The following LLGL2 variants were observed in gnomAD, a reference collection of about 807,000 sequenced individuals.
LLGL2 encodes LLGL2, scribble cell polarity complex component.
Under a neutral mutation model 123.2 loss-of-function variants are expected in LLGL2, and 81 were observed. That is an observed-to-expected ratio of 0.66 (90% CI 0.55 to 0.79). The LOEUF (loss-of-function observed/expected upper bound fraction) is 0.79. Ranked by LOEUF, LLGL2 falls within the 30% of genes least tolerant of loss-of-function variation. LLGL2 has a pLI of 0.00. For synonymous variants in LLGL2, 577 were observed against 594.1 expected, an observed-to-expected ratio of 0.97 and a Z score of 0.42; for missense variants, 1,273 against 1,414.6, an observed-to-expected ratio of 0.90 and a Z score of 1.61.
chr17:75,562,918 C>A, intron 6 of LLGL2, 98 bp from the exon 7 acceptor site: 2 of 1,424,102 alleles, frequency 1.4e-6, no homozygotes, highest in South Asian at 1.2e-5. Context: ...GCACATGGAG[C>A]AGCCACCTCT....
chr17:75,556,991 T>C (rs1285491459), intron 3 of LLGL2, among the ~76,000 whole-genome samples: 4 of 150,056 alleles, frequency 2.7e-5, no homozygotes, highest in South Asian at 2.1e-4. Flanking sequence ...ATTGTGCCAC[T>C]GCACTCCAGC....
rs1454941836 is a variant in LLGL2 at position 75,532,053 on chromosome 17, TATACAC to T, written c.-31+6230_-31+6235del. ...CTGTAATAAATTATATATATGTATA[TATACAC>T]ACACACACACACACACACTTTTTTT... On this transcript the variant is annotated intron_variant, in intron 1 of 25. Transcript: ENST00000392550. Among the ~76,000 whole-genome samples the T allele has an allele frequency of 5.7e-5, 4 of 70,296 alleles. 1 individual carries two copies. Among genetic ancestry groups the T allele is most frequent in the African/African-American group, 1.6e-4 (4 of 25,164 alleles). 46.1% of individuals were successfully genotyped at this position (70,296 alleles called of 152,430 possible).
chr17:75,571,305 C>G lies in LLGL2; in HGVS notation c.2176+205C>G, dbSNP rs960006984. 5.0e-5 allele frequency: 30 copies of G among 595,430 alleles called. No individual in the cohort carries two copies. The African/African-American group carries it at 5.4e-4, about 11-fold the overall frequency. 36.9% of individuals were successfully genotyped at this position (595,430 alleles called of 1,614,324 possible). On this transcript the variant is annotated intron_variant, in intron 17 of 25. Coordinates refer to ENST00000392550, the MANE Select transcript of LLGL2 (RefSeq NM_001031803.2). ...AGTCAGCTTCCCTTGGCTTTATATC[C>G]AGGCCGTAGCACCCTTTAGAAGCAT...
Position 75,570,486 on chromosome 17 carries a change from C to T in LLGL2, c.2013C>T (p.Gly671=), listed in dbSNP as rs1379004279. 6 of 1,574,022 alleles carry T rather than the reference C, an allele frequency of 3.8e-6. No homozygotes were observed. Among genetic ancestry groups the T allele is most frequent in the South Asian group, 3.5e-5 (3 of 86,220 alleles). The change falls in exon 16 of 26, where the codon GGC becomes GGT. Residue 671 remains glycine (G), a synonymous_variant. Transcript: ENST00000392550. Reference sequence around the variant, plus strand: ...CCAGCCGGAAGCGGCACCCGGCTGGCCCCCCAGGAGAGGTGAGGCCTGAGG... The same window carrying T: ...CCAGCCGGAAGCGGCACCCGGCTGGTCCCCCAGGAGAGGTGAGGCCTGAGG... ...RVSSRKRHPA[G]PPGEAQEGSA... is the part of the protein sequence containing the mutation.
chr17:75,571,643 C>T, intron 17 of LLGL2, 24 bp from the exon 18 acceptor site: 2 of 1,564,762 alleles, frequency 1.3e-6, no homozygotes. Context: ...AAGGGTCAGA[C>T]ACCCAAACAT....
Position 75,574,671 on chromosome 17 carries a change from G to C in LLGL2, c.3055+3G>C, listed in dbSNP as rs780549229. The C allele has an allele frequency of 7.9e-5, 127 of 1,610,352 alleles. No individual in the cohort carries two copies. The highest frequency in any genetic ancestry group is 1.0e-4 in the Admixed American group (6 of 59,640). On this transcript the variant is annotated splice_donor_region_variant and intron_variant, in intron 25 of 25. Coordinates refer to ENST00000392550, the MANE Select transcript of LLGL2 (RefSeq NM_001031803.2). ...GTGCAGCCTCAGCAATGGCGGAGGT[G>C]GGGGCTCTGGGCTTGAGTGCAGCTG...
chr17:75,544,558 C>T lies in LLGL2; in HGVS notation c.75+1057C>T, dbSNP rs1598543256. 6.6e-6 allele frequency among the ~76,000 whole-genome samples: 1 copy of T among 152,220 alleles called. No homozygotes were observed. The highest frequency in any genetic ancestry group is 2.4e-5 in the African/African-American group (1 of 41,438). ...AGAAGCTGGATGGCCGTGTGCCTGT[C>T]GCCCACACCATAGGCTTGTTAAGGG... On this transcript the variant is annotated intron_variant, in intron 2 of 25. Transcript: ENST00000392550. The surrounding 1 kb of genome is among the most constrained non-coding windows in gnomAD (Gnocchi z 4.2).
intron 10 of LLGL2, chr17:75,568,129 A>G: frequency 8.3e-7 from 1 of 1,200,494 alleles, no homozygotes; most frequent in Non-Finnish European, 1.0e-6. Flanking sequence ...TGACAGGTGC[A>G]TCTGAGCAGG....
chr17:75,525,028 G>T (rs1179649770), upstream of LLGL2: 1 of 157,532 alleles, frequency 6.3e-6, no homozygotes, highest in South Asian at 1.9e-4. The surrounding 1 kb of genome is among the most constrained non-coding windows in gnomAD (Gnocchi z 4.8). Context: ...GTGGCGAGAG[G>T]CGCCACCTGC....
chr17:75,530,530 G>C (rs1339744032), intron 1 of LLGL2, among the ~76,000 whole-genome samples: 1 of 151,954 alleles, frequency 6.6e-6, no homozygotes, highest in Non-Finnish European at 1.5e-5. Context: ...GGCACCTGTA[G>C]TCCCAGCTGC....
Position 75,574,682 on chromosome 17 carries a change from G to T in LLGL2, c.3055+14G>T. 1.9e-6 allele frequency: 3 copies of T among 1,609,302 alleles called. No individual in the cohort carries two copies. Among genetic ancestry groups the T allele is most frequent in the Non-Finnish European group, 2.5e-6 (3 of 1,178,914 alleles). ...GCAATGGCGGAGGTGGGGGCTCTGG[G>T]CTTGAGTGCAGCTGCCAACCGTGCT... On this transcript the variant is annotated intron_variant, in intron 25 of 25. Coordinates refer to ENST00000392550, the MANE Select transcript of LLGL2 (RefSeq NM_001031803.2).
At chr17:75,569,855 C>A in intron 14 of LLGL2, 108 bp from the exon 15 acceptor site, 2 of 1,238,844 alleles carry the variant, frequency 1.6e-6, no homozygotes, top group South Asian at 1.5e-5. Flanking sequence ...GGCCTTTGTC[C>A]TTCCTTGAGC....
rs560977991 is a variant in LLGL2 at position 75,544,106 on chromosome 17, G to A, written c.75+605G>A. Among the ~76,000 whole-genome samples the A allele has an allele frequency of 6.6e-6, 1 of 152,306 alleles. No homozygotes were observed. The highest frequency in any genetic ancestry group is 2.1e-4 in the South Asian group (1 of 4,824). ...TATCCGGGGTACCAGAAGGCCCACG[G>A]GGCTTCCCTTCAGGAGTCTGGGGCC... On this transcript the variant is annotated intron_variant, in intron 2 of 25. Coordinates refer to ENST00000392550, the MANE Select transcript of LLGL2 (RefSeq NM_001031803.2). The surrounding 1 kb of genome is among the most constrained non-coding windows in gnomAD (Gnocchi z 4.2).
intron 1 of LLGL2, among the ~76,000 whole-genome samples, chr17:75,537,599 G>A (rs574760926): frequency 1.3e-5 from 2 of 152,168 alleles, no homozygotes; most frequent in African/African-American, 4.8e-5. Context: ...TTGGGAGGCT[G>A]AGGCAGGAGA....
At chr17:75,548,015 A>C (rs915979633) in intron 2 of LLGL2, among the ~76,000 whole-genome samples, 4 of 152,306 alleles carry the variant, frequency 2.6e-5, no homozygotes, top group African/African-American at 9.6e-5. Flanking sequence ...CTGATATCCG[A>C]AATGCTCCAA....
intron 1 of LLGL2, among the ~76,000 whole-genome samples, chr17:75,536,252 T>C (rs2053996915): frequency 6.6e-6 from 1 of 152,150 alleles, no homozygotes; most frequent in Non-Finnish European, 1.5e-5. Flanking sequence ...GGTGTTAGAC[T>C]TGAGGACTTG....
intron 12 of LLGL2, 33 bp from the exon 13 acceptor site, chr17:75,568,945 C>T (rs377617590): frequency 2.9e-5 from 47 of 1,596,320 alleles, no homozygotes; most frequent in African/African-American, 6.7e-5. Flanking sequence ...GCTGGCATCC[C>T]TCTCACGCCT....
intron 7 of LLGL2, 54 bp downstream of exon 7, chr17:75,563,232 G>A (rs2147452706): frequency 6.2e-7 from 1 of 1,609,792 alleles, no homozygotes; most frequent in Non-Finnish European, 8.5e-7. Flanking sequence ...AGGGCCCCAA[G>A]TGGCACATAC....
rs1456037879 is a variant in LLGL2 at position 75,570,244 on chromosome 17, G to A, written c.1863G>A (p.Gln621=). The A allele has an allele frequency of 1.9e-6, 3 of 1,601,842 alleles. No homozygotes were observed. Among genetic ancestry groups the A allele is most frequent in the Middle Eastern group, 1.7e-4 (1 of 6,000 alleles). Residue 621 remains glutamine (Q), a synonymous_variant, in exon 15 of 26, where the codon CAG becomes CAA. Coordinates refer to ENST00000392550, the MANE Select transcript of LLGL2 (RefSeq NM_001031803.2). ...TCTTTGACCACCAGCAGCGGCGGCA[G>A]GTCTTTGTTAAGTGAGCAGGGGCGG... The part of the protein sequence containing the change: ...FGLFDHQQRR[Q]VFVKCTLHPS...
Sources: allele counts gnomAD v4.1 joint callset (sites outside exome capture counted in the v4.1 genomes callset), GRCh38; gene constraint gnomAD v4.1.1; non-coding constraint Gnocchi (gnomAD v3.1); transcripts MANE v1.5; gene names NCBI Gene and HGNC (gene_info 2026-07-23, HGNC 2026-07-21).